VIL1: variants seen among roughly 807,000 people sequenced by gnomAD.
The protein encoded by VIL1 is villin 1, also known as villin-1.
A neutral mutation model predicts 104.0 loss-of-function variants in VIL1; 86 were observed. The observed-to-expected ratio is 0.83, with a 90% CI of 0.69 to 0.99. VIL1 has a LOEUF of 0.99. Among genes scored for constraint, VIL1 ranks in the 50% least tolerant of loss-of-function variants. VIL1 has a pLI of 0.00. For synonymous variants in VIL1, 394 were observed against 412.6 expected (o/e 0.95, Z 0.55); for missense variants, 944 against 1,054.1 (o/e 0.90, Z 1.45).
At chr2:218,439,206 C>T (rs1417278234) in intron 18 of VIL1, among the ~76,000 whole-genome samples, 2 of 151,930 alleles carry the variant, frequency 1.3e-5, no homozygotes, top group Non-Finnish European at 2.9e-5. Flanking sequence ...GCTAGGATTG[C>T]AGGCATGAGC....
Position 218,429,598 on chromosome 2 carries a change from G to C in VIL1, c.772G>C (p.Val258Leu), listed in dbSNP as rs79468589. The change falls in exon 8 of 20, where the codon GTG becomes CTG. Residue 258 changes from valine to leucine, a missense_variant and splice_region_variant. Coordinates refer to ENST00000248444, the MANE Select transcript of VIL1 (RefSeq NM_007127.3). ...ALKAALKLYH[V>L]SDSEGNLVVR... ...CTATGCCTTGCTTCTGTCCTGCAGT[G>C]TGTCTGACTCCGAGGGGAATCTGGT... is the stretch of plus-strand genomic sequence containing the variant. 2.3e-3 allele frequency: 3,748 copies of C among 1,614,118 alleles called. 86 individuals carry two copies. The African/African-American group carries it at 0.044, about 19-fold the overall frequency.
chr2:218,437,291 T>C lies in VIL1; in HGVS notation c.2139T>C (p.Ala713=). 1 of 1,614,022 alleles carries C rather than the reference T, an allele frequency of 6.2e-7. No homozygotes were observed. Among genetic ancestry groups the C allele is most frequent in the East Asian group, 2.2e-5 (1 of 44,886 alleles). ...EPPTFTGWFL[A]WDPFKWSNTK... Reference sequence around the variant, plus strand: ...CCACCTTCACAGGCTGGTTCCTGGCTTGGGATCCCTTCAAGTGGAGTGTGA... The same window carrying C: ...CCACCTTCACAGGCTGGTTCCTGGCCTGGGATCCCTTCAAGTGGAGTGTGA... Residue 713 remains alanine, a synonymous_variant, in exon 17 of 20, where the codon GCT becomes GCC. Transcript: ENST00000248444.
intron 15 of VIL1, among the ~76,000 whole-genome samples, 170 bp from the exon 16 acceptor site, chr2:218,436,312 C>T (rs1309111401): frequency 6.6e-6 from 1 of 152,216 alleles, no homozygotes; most frequent in East Asian, 1.9e-4. Context: ...ACAATTTCTT[C>T]CTCAGAGCAC....
In VIL1 at chr2:218,428,355, C is replaced by T. The variant is rs1309847366; in HGVS notation, c.567+18C>T. ...GACTCAGGGTAAACCTGCCCATGCACCACACCTCCCTCTCGAATCCTAGAC... is the reference window on the plus strand; with the variant it reads ...GACTCAGGGTAAACCTGCCCATGCATCACACCTCCCTCTCGAATCCTAGAC... On this transcript the variant is annotated intron_variant, in intron 6 of 19. Coordinates refer to ENST00000248444, the MANE Select transcript of VIL1 (RefSeq NM_007127.3). The T allele has an allele frequency of 6.2e-6, 10 of 1,602,190 alleles. No individual in the cohort carries two copies. The highest frequency in any genetic ancestry group is 8.6e-6 in the Non-Finnish European group (10 of 1,169,204).
chr2:218,434,804 C>A, intron 14 of VIL1, 99 bp downstream of exon 14: 1 of 1,319,958 alleles, frequency 7.6e-7, no homozygotes, highest in African/African-American at 1.5e-5. Context: ...CCCTGGCCAA[C>A]TAAGTTGTGC....
At position 218,437,783 on chromosome 2, in the gene VIL1, T is replaced by C. The variant is rs150242398; in HGVS notation, c.2160+471T>C. Among the ~76,000 whole-genome samples, 5 of 152,234 alleles carry C rather than the reference T, an allele frequency of 3.3e-5. No individual in the cohort carries two copies. In the East Asian group the frequency reaches 9.7e-4, roughly 29 times the overall value. ...TCCTGGTGCTAAATTCTAAGCAAAA[T>C]GGGTCATGTGTGTGGTCCTTACCTG... is the stretch of plus-strand genomic sequence containing the variant. On this transcript the variant is annotated intron_variant, in intron 17 of 19. Coordinates refer to ENST00000248444, the MANE Select transcript of VIL1 (RefSeq NM_007127.3).
At chr2:218,430,206 T>G (rs899916569) in intron 9 of VIL1, among the ~76,000 whole-genome samples, 1 of 152,028 alleles carries the variant, frequency 6.6e-6, no homozygotes, top group African/African-American at 2.4e-5. Flanking sequence ...CCTCAGGATG[T>G]GGGCTCTCAC....
chr2:218,439,676 G>T (rs1689251932), intron 18 of VIL1, among the ~76,000 whole-genome samples: 1 of 152,044 alleles, frequency 6.6e-6, no homozygotes, highest in Non-Finnish European at 1.5e-5. Context: ...AAACAGCCAG[G>T]TGTGGTGGTG....
chr2:218,439,929 G>A (rs2106396023), intron 18 of VIL1, among the ~76,000 whole-genome samples: 1 of 152,176 alleles, frequency 6.6e-6, no homozygotes, highest in Non-Finnish European at 1.5e-5. Flanking sequence ...GAAGTTCACA[G>A]GCTTATAGAG....
At chr2:218,435,219 G>C (rs1262744645) in intron 14 of VIL1, 70 bp from the exon 15 acceptor site, 2 of 1,575,532 alleles carry the variant, frequency 1.3e-6, no homozygotes, top group Non-Finnish European at 8.6e-7. Flanking sequence ...CTGAACTCTG[G>C]GCAGTGAATG....
intron 14 of VIL1, 25 bp downstream of exon 14, chr2:218,434,730 C>A: frequency 6.3e-7 from 1 of 1,585,550 alleles, no homozygotes; most frequent in Non-Finnish European, 8.6e-7. Context: ...TAGAGGCCTC[C>A]CCATCCGCAA....
chr2:218,430,838 G>A lies in VIL1; in HGVS notation c.1062G>A (p.Arg354=). 6.2e-7 allele frequency: 1 copy of A among 1,614,022 alleles called. No homozygotes were observed. Reference sequence around the variant, plus strand: ...TCCAGAAGTGGACAGCGTCCAACCGGACCTCAGGCCTAGGCAAAACCCACA... The same window carrying A: ...TCCAGAAGTGGACAGCGTCCAACCGAACCTCAGGCCTAGGCAAAACCCACA... The part of the protein sequence containing the change: ...QLFQKWTASN[R]TSGLGKTHTV... Residue 354 remains arginine (R), a synonymous_variant, in exon 10 of 20, where the codon CGG becomes CGA. Transcript: ENST00000248444.
At chr2:218,438,776 A>T (rs1281825347) in intron 18 of VIL1, 50 bp downstream of exon 18, 2 of 1,544,280 alleles carry the variant, frequency 1.3e-6, no homozygotes, top group South Asian at 2.3e-5. Flanking sequence ...GCTGGTGGTC[A>T]GACCTGTGGG....
intron 19 of VIL1, among the ~76,000 whole-genome samples, chr2:218,443,552 G>A (rs1689318344): frequency 6.6e-6 from 1 of 152,064 alleles, no homozygotes; most frequent in South Asian, 2.1e-4. Flanking sequence ...GAGGATTGAT[G>A]GAAGGCAGAA....
chr2:218,436,635 A>G lies in VIL1; in HGVS notation c.1971+9A>G, dbSNP rs906917031. The G allele has an allele frequency of 8.7e-6, 14 of 1,612,858 alleles. No individual in the cohort carries two copies. In the Admixed American group the frequency reaches 1.0e-4, roughly 12 times the overall value. ...TAGATGTCTGGGACCAGGTAGGACC[A>G]AGGGCCTGGGGACCCCTCTTCCCAG... On this transcript the variant is annotated intron_variant, in intron 16 of 19. Coordinates refer to ENST00000248444, the MANE Select transcript of VIL1 (RefSeq NM_007127.3).
At position 218,429,335 on chromosome 2, in the gene VIL1, C is replaced by T. The variant is rs377036353; in HGVS notation, c.618C>T (p.Thr206=). ...EIRDQERGGR[T]YVGVVDGENE... is the part of the protein sequence containing the mutation. Reference sequence around the variant, plus strand: ...GAGACCAGGAGCGGGGAGGGCGCACCTATGTAGGCGTGGTGGACGGAGAGA... The same window carrying T: ...GAGACCAGGAGCGGGGAGGGCGCACTTATGTAGGCGTGGTGGACGGAGAGA... Residue 206 remains threonine, a synonymous_variant, in exon 7 of 20, where the codon ACC becomes ACT. Transcript: ENST00000248444. The T allele has an allele frequency of 5.6e-6, 9 of 1,613,992 alleles. No homozygotes were observed. The highest frequency in any genetic ancestry group is 7.6e-6 in the Non-Finnish European group (9 of 1,180,036).
At chr2:218,442,298 C>T (rs759669115) in intron 19 of VIL1, among the ~76,000 whole-genome samples, 3 of 152,084 alleles carry the variant, frequency 2.0e-5, no homozygotes, top group Non-Finnish European at 4.4e-5. Context: ...TAGCTATGTC[C>T]TTTGAGGTTT....
At chr2:218,434,130 G>A (rs1228537128) in intron 13 of VIL1, among the ~76,000 whole-genome samples, 2 of 149,996 alleles carry the variant, frequency 1.3e-5, no homozygotes, top group East Asian at 3.9e-4. Flanking sequence ...CCAGGAGGCA[G>A]AGGGTGCAGT....
rs572290358 is a variant in VIL1 at position 218,435,486 on chromosome 2, A to G, written c.1826+52A>G. 82 of 1,591,454 alleles carry G rather than the reference A, an allele frequency of 5.2e-5. No homozygotes were observed. The African/African-American group carries it at 5.4e-4, about 10-fold the overall frequency. ...GGTTACCAAGGTGGGGGAGCCGCCC[A>G]GCATCTCCATCCCTACACCCAGAGC... On this transcript the variant is annotated intron_variant, in intron 15 of 19. Coordinates refer to ENST00000248444, the MANE Select transcript of VIL1 (RefSeq NM_007127.3).
Sources: allele counts gnomAD v4.1 joint callset (sites outside exome capture counted in the v4.1 genomes callset), GRCh38; gene constraint gnomAD v4.1.1; transcripts MANE v1.5; gene names NCBI Gene and HGNC (gene_info 2026-07-23, HGNC 2026-07-21).